MDGA2: variants seen among roughly 807,000 people sequenced by gnomAD.
MDGA2 encodes the protein MAM domain containing glycosylphosphatidylinositol anchor 2, also known as MAM domain-containing glycosylphosphatidylinositol anchor protein 2.
In MDGA2, 40 loss-of-function variants were observed where a neutral mutation model predicts 117.8. The observed-to-expected ratio is 0.34, with a 90% CI of 0.26 to 0.44. MDGA2 has a LOEUF of 0.44. MDGA2 is among the 20% of genes least tolerant of loss of function. The pLI is 1.00. For missense variants in MDGA2, 1,123 were observed against 1,250.6 expected (o/e 0.90, Z 1.54); for synonymous variants, 452 against 439.0 (o/e 1.03, Z -0.37).
chr14:47,278,932 T>A (rs1474757592), intron 2 of MDGA2, among the ~76,000 whole-genome samples: 1 of 152,142 alleles, frequency 6.6e-6, no homozygotes, highest in Non-Finnish European at 1.5e-5. Flanking sequence ...AAGTTTGACA[T>A]CAGAATATAT....
intron 9 of MDGA2, among the ~76,000 whole-genome samples, chr14:46,955,884 T>C (rs539352493): frequency 7.9e-5 from 12 of 152,232 alleles, no homozygotes; most frequent in Admixed American, 7.9e-4. Flanking sequence ...CTTTGTGCAT[T>C]AAAAATATAT....
chr14:47,151,535 C>A (rs1274989665), intron 3 of MDGA2, among the ~76,000 whole-genome samples: 1 of 152,008 alleles, frequency 6.6e-6, no homozygotes, highest in African/African-American at 2.4e-5. Context: ...TACTTTATGA[C>A]CCTGATAATA....
intron 7 of MDGA2, among the ~76,000 whole-genome samples, chr14:47,057,350 TTGA>T (rs376056834): frequency 0.01 from 1,529 of 152,238 alleles, 24 homozygotes; most frequent in African/African-American, 0.035. Flanking sequence ...GTAATCTGTC[TTGA>T]TGATTTAGAT....
At chr14:47,291,194 A>T (rs556648402) in intron 2 of MDGA2, among the ~76,000 whole-genome samples, 10 of 152,282 alleles carry the variant, frequency 6.6e-5, no homozygotes, top group Admixed American at 2.0e-4. Context: ...CCCTACTCGA[A>T]ACTGCCAGCC....
At chr14:47,008,954 CCTTT>C (rs1277730709) in intron 8 of MDGA2, among the ~76,000 whole-genome samples, 1 of 151,882 alleles carries the variant, frequency 6.6e-6, no homozygotes, top group Non-Finnish European at 1.5e-5. Flanking sequence ...AAGTGATTAT[CCTTT>C]CTTTCTATTT....
At chr14:47,051,244 GTCA>G (rs1415309555) in intron 7 of MDGA2, among the ~76,000 whole-genome samples, 1 of 149,978 alleles carries the variant, frequency 6.7e-6, no homozygotes, top group African/African-American at 2.4e-5. Context: ...AAGGCATTAG[GTCA>G]TCAATAAGCC....
At chr14:47,397,658 T>C (rs938824366) in intron 1 of MDGA2, among the ~76,000 whole-genome samples, 1 of 152,162 alleles carries the variant, frequency 6.6e-6, no homozygotes, top group Non-Finnish European at 1.5e-5. Flanking sequence ...TCTTTATAAA[T>C]AGATTATCTC....
intron 10 of MDGA2, among the ~76,000 whole-genome samples, chr14:46,906,924 C>A (rs1441602175): frequency 6.6e-6 from 1 of 151,544 alleles, no homozygotes; most frequent in Non-Finnish European, 1.5e-5. Flanking sequence ...CAATTGACTG[C>A]CATTAAGCAA....
intron 3 of MDGA2, among the ~76,000 whole-genome samples, chr14:47,163,731 A>G (rs1883741903): frequency 6.6e-6 from 1 of 152,220 alleles, no homozygotes; most frequent in African/African-American, 2.4e-5. Context: ...CATTTAGCCA[A>G]CCTTGCACTC....
chr14:47,580,527 C>T (rs1026052332), intron 1 of MDGA2, among the ~76,000 whole-genome samples: 2 of 151,918 alleles, frequency 1.3e-5, no homozygotes, highest in African/African-American at 4.8e-5. Flanking sequence ...AACAAGATTC[C>T]ATTCGAGCCA....
At chr14:46,969,246 T>A (rs1410956068) in intron 8 of MDGA2, among the ~76,000 whole-genome samples, 1 of 152,188 alleles carries the variant, frequency 6.6e-6, no homozygotes, top group Non-Finnish European at 1.5e-5. Flanking sequence ...ATGATTTATA[T>A]TCCTTTGGCT....
At chr14:46,935,044 G>A (rs868672543) in intron 9 of MDGA2, among the ~76,000 whole-genome samples, 8 of 151,734 alleles carry the variant, frequency 5.3e-5, no homozygotes, top group African/African-American at 1.7e-4. Context: ...AAAAAAAAAA[G>A]AGTTATGCCA....
chr14:46,967,286 T>A (rs1337557374), intron 8 of MDGA2, among the ~76,000 whole-genome samples: 1 of 152,132 alleles, frequency 6.6e-6, no homozygotes, highest in Non-Finnish European at 1.5e-5. Context: ...CTGAGAAATA[T>A]GTACTCATTA....
At chr14:47,523,115 T>A (rs547096462) in intron 1 of MDGA2, among the ~76,000 whole-genome samples, 6 of 152,232 alleles carry the variant, frequency 3.9e-5, no homozygotes, top group African/African-American at 1.4e-4. Flanking sequence ...GCTCTTGAAA[T>A]AGGAAACAGC....
At chr14:47,351,175 G>T (rs945560120) in intron 1 of MDGA2, among the ~76,000 whole-genome samples, 1 of 150,862 alleles carries the variant, frequency 6.6e-6, no homozygotes, top group South Asian at 2.1e-4. Flanking sequence ...TCTGCCTCCC[G>T]GGTTCAAGCG....
chr14:47,151,119 GGA>G (rs1325160299), intron 3 of MDGA2, among the ~76,000 whole-genome samples: 1 of 152,068 alleles, frequency 6.6e-6, no homozygotes, highest in African/African-American at 2.4e-5. Flanking sequence ...GAAGTTTGTT[GGA>G]GAGTGCCCTC....
Position 46,840,903 on chromosome 14 carries a change from G to T in MDGA2, c.*1028C>A, listed in dbSNP as rs1880582591. Reference sequence around the variant, plus strand: ...ATGGACAATAAGCCGAAAGGCCATGGCTGTCTAGGAGGTTAAACAACAAAT... The same window carrying T: ...ATGGACAATAAGCCGAAAGGCCATGTCTGTCTAGGAGGTTAAACAACAAAT... On this transcript the variant is annotated 3_prime_UTR_variant, in exon 17 of 17. Coordinates refer to ENST00000399232, the MANE Select transcript of MDGA2 (RefSeq NM_001113498.3). The T allele has an allele frequency of 6.6e-6, 1 of 152,602 alleles. No homozygotes were observed. The highest frequency in any genetic ancestry group is 2.4e-5 in the African/African-American group (1 of 41,456). 9.5% of individuals were successfully genotyped at this position (152,602 alleles called of 1,614,324 possible). A position where few individuals can be genotyped will look rare whatever the true frequency, so the allele number is the denominator to read the frequency against.
intron 1 of MDGA2, among the ~76,000 whole-genome samples, chr14:47,351,902 AACACACACACACACACAC>A (rs35860893): frequency 2.0e-5 from 3 of 148,392 alleles, no homozygotes; most frequent in South Asian, 2.2e-4. Context: ...CTCTAAATTA[AACACACACACACACACAC>A]ACACACACAC....
In MDGA2 at chr14:46,852,833, T is replaced by C. The variant is rs111864328; in HGVS notation, c.2883+2191A>G. Among the ~76,000 whole-genome samples, 10 of 152,060 alleles carry C rather than the reference T, an allele frequency of 6.6e-5. 1 individual carries two copies. The highest frequency in any genetic ancestry group is 2.2e-4 in the African/African-American group (9 of 41,530). ...AACACCTAAAATAATCAAACTCTTC[T>C]GAAGTAACTCAACTATCTTCCCTGA... On this transcript the variant is annotated intron_variant, in intron 15 of 16. Transcript: ENST00000399232.
Sources: gnomAD v4.1 joint callset for allele counts (sites outside exome capture counted in the v4.1 genomes callset) on GRCh38, gnomAD v4.1.1 for gene constraint, MANE v1.5 for transcripts, NCBI Gene and HGNC (gene_info 2026-07-23, HGNC 2026-07-21) for gene names.